DNM3: variants seen among roughly 807,000 people sequenced by gnomAD.
DNM3 encodes the protein dynamin 3.
In DNM3, 47 loss-of-function variants were observed where a neutral mutation model predicts 101.6. The observed-to-expected ratio is 0.46, with a 90% CI of 0.37 to 0.59. The LOEUF (loss-of-function observed/expected upper bound fraction) is 0.59, where lower values mean the gene tolerates loss of function less well. DNM3 is among the 20% of genes least tolerant of loss of function. The probability of loss-of-function intolerance (pLI) is 0.00; values close to 1 mark genes in which losing one functional copy is unlikely to be tolerated. For missense variants in DNM3, 849 were observed against 1,085.7 expected, an observed-to-expected ratio of 0.78 and a Z score of 3.06; for synonymous variants, 385 against 387.9, an observed-to-expected ratio of 0.99 and a Z score of 0.09.
intron 4 of DNM3, among the ~76,000 whole-genome samples, chr1:171,999,827 A>T (rs1287082109): frequency 2.6e-5 from 4 of 152,078 alleles, no homozygotes; most frequent in Non-Finnish European, 5.9e-5. Context: ...ATGGAGGCAG[A>T]GATTGGAGTT....
chr1:171,907,417 G>C (rs1429515651), intron 1 of DNM3, among the ~76,000 whole-genome samples: 1 of 152,108 alleles, frequency 6.6e-6, no homozygotes. Context: ...CTTGAACCTG[G>C]GAGGCGGAGG....
chr1:172,390,684 C>T (rs982358719), intron 20 of DNM3, among the ~76,000 whole-genome samples: 2 of 152,166 alleles, frequency 1.3e-5, no homozygotes, highest in South Asian at 2.1e-4. Flanking sequence ...CCGCATTGAG[C>T]CTTGCTACAA....
chr1:172,098,845 A>G (rs2054434655), intron 13 of DNM3, among the ~76,000 whole-genome samples: 1 of 152,216 alleles, frequency 6.6e-6, no homozygotes, highest in Non-Finnish European at 1.5e-5. Flanking sequence ...AGAATGTTTC[A>G]AGGAGGGAAT....
intron 1 of DNM3, among the ~76,000 whole-genome samples, chr1:171,874,845 C>G (rs2035614359): frequency 6.6e-6 from 1 of 150,908 alleles, no homozygotes. Flanking sequence ...TCTAGTAGCC[C>G]CCAGTGGCTA....
chr1:172,415,588 G>A (rs2071402098), downstream of DNM3, among the ~76,000 whole-genome samples: 1 of 135,842 alleles, frequency 7.4e-6, no homozygotes, highest in Admixed American at 8.4e-5. Flanking sequence ...GCAATGCAGT[G>A]GTGTGATCTT....
At chr1:171,976,915 T>C (rs998225706) in intron 2 of DNM3, among the ~76,000 whole-genome samples, 4 of 152,224 alleles carry the variant, frequency 2.6e-5, no homozygotes, top group Non-Finnish European at 4.4e-5. Context: ...GGGGAAACAG[T>C]ATTTTCATTT....
intron 14 of DNM3, chr1:172,137,266 A>G (rs547971269): frequency 3.9e-5 from 6 of 152,314 alleles, no homozygotes; most frequent in South Asian, 2.1e-4. Context: ...TCCTGTTTAT[A>G]TTCTACATTT....
intron 15 of DNM3, among the ~76,000 whole-genome samples, chr1:172,259,610 C>G (rs886102130): frequency 6.6e-6 from 1 of 152,022 alleles, no homozygotes; most frequent in Non-Finnish European, 1.5e-5. Context: ...TTTTTCCATT[C>G]CTTTATTTTC....
intron 17 of DNM3, among the ~76,000 whole-genome samples, chr1:172,332,979 A>G (rs1355890049): frequency 2.6e-5 from 4 of 152,222 alleles, no homozygotes; most frequent in South Asian, 2.1e-4. Flanking sequence ...CTTGGCACCT[A>G]GGAAGAAAGT....
intron 14 of DNM3, among the ~76,000 whole-genome samples, chr1:172,174,378 C>A (rs575039852): frequency 3.6e-4 from 54 of 151,580 alleles, no homozygotes; most frequent in African/African-American, 1.2e-3. Flanking sequence ...GTGGATCCAT[C>A]GTGAATATGC....
At chr1:172,123,019 A>T (rs1179801184) in intron 13 of DNM3, among the ~76,000 whole-genome samples, 1 of 152,196 alleles carries the variant, frequency 6.6e-6, no homozygotes, top group African/African-American at 2.4e-5. Flanking sequence ...CATTGTTACT[A>T]TTCCTGAATT....
intron 2 of DNM3, among the ~76,000 whole-genome samples, chr1:171,967,446 G>T (rs1203377783): frequency 6.6e-6 from 1 of 151,986 alleles, no homozygotes; most frequent in East Asian, 1.9e-4. Flanking sequence ...TTAGAAATAG[G>T]CCTCAGAACC....
chr1:172,065,986 G>A (rs1419229500), intron 10 of DNM3, among the ~76,000 whole-genome samples: 1 of 152,156 alleles, frequency 6.6e-6, no homozygotes, highest in Non-Finnish European at 1.5e-5. Context: ...TTGTTAACTT[G>A]CTAAGACACT....
chr1:171,842,592 C>G lies in DNM3; in HGVS notation c.161+775C>G, dbSNP rs184012751. Among the ~76,000 whole-genome samples, 51 of 152,250 alleles carry G rather than the reference C, an allele frequency of 3.3e-4. 1 individual carries two copies. The highest frequency in any genetic ancestry group is 9.9e-4 in the African/African-American group (41 of 41,552). Reference sequence around the variant, plus strand: ...ATGTTGTCCAGGTGCCATGTCATTCCTGCATCATCTCGGAACTGACCAGCA... The same window carrying G: ...ATGTTGTCCAGGTGCCATGTCATTCGTGCATCATCTCGGAACTGACCAGCA... On this transcript the variant is annotated intron_variant, in intron 1 of 20. Transcript: ENST00000627582.
At chr1:171,902,344 T>C (rs574779406) in intron 1 of DNM3, among the ~76,000 whole-genome samples, 1 of 152,340 alleles carries the variant, frequency 6.6e-6, no homozygotes, top group African/African-American at 2.4e-5. Context: ...AAATCAGACT[T>C]TTGTAAAATG....
intron 2 of DNM3, among the ~76,000 whole-genome samples, chr1:171,963,193 A>C (rs910094004): frequency 3.9e-5 from 6 of 152,154 alleles, no homozygotes; most frequent in African/African-American, 9.6e-5. Context: ...GGACAATGGA[A>C]TATTGTTGAG....
At chr1:172,102,918 A>G (rs958254825) in intron 13 of DNM3, among the ~76,000 whole-genome samples, 1 of 152,154 alleles carries the variant, frequency 6.6e-6, no homozygotes, top group Non-Finnish European at 1.5e-5. Flanking sequence ...CTCACCAAAG[A>G]TATTATTTTA....
At chr1:172,038,128 G>C (rs1268173573) in intron 6 of DNM3, among the ~76,000 whole-genome samples, 191 bp from the exon 7 acceptor site, 1 of 152,178 alleles carries the variant, frequency 6.6e-6, no homozygotes, top group African/African-American at 2.4e-5. Context: ...CATCTCTGAA[G>C]GGCAGTGGAG....
chr1:171,904,356 ATTG>A lies in DNM3; in HGVS notation c.162-17389_162-17387del, dbSNP rs749729110. Reference sequence around the variant, plus strand: ...TAACTTGATGGGAAAATGCAACTTTATTGTTTGTTCTACAGCATTAAGAGAAGC... The same window carrying A: ...TAACTTGATGGGAAAATGCAACTTTATTTGTTCTACAGCATTAAGAGAAGC... On this transcript the variant is annotated intron_variant, in intron 1 of 20. Transcript: ENST00000627582. Among the ~76,000 whole-genome samples, 36 of 152,234 alleles carry A rather than the reference ATTG, an allele frequency of 2.4e-4. 1 individual carries two copies. The highest frequency in any genetic ancestry group is 3.4e-3 in the Middle Eastern group (1 of 294).
Sources: gnomAD v4.1 joint callset for allele counts (sites outside exome capture counted in the v4.1 genomes callset) on GRCh38, gnomAD v4.1.1 for gene constraint, MANE v1.5 for transcripts, NCBI Gene and HGNC (gene_info 2026-07-23, HGNC 2026-07-21) for gene names.